The following PCDHA8 variants were observed in gnomAD, a reference collection of about 807,000 sequenced individuals.
The protein encoded by PCDHA8 is protocadherin alpha-8.
A neutral mutation model predicts 61.8 loss-of-function variants in PCDHA8; 53 were observed. That is an observed-to-expected ratio of 0.86 (90% confidence interval 0.69 to 1.08). The LOEUF (loss-of-function observed/expected upper bound fraction) is 1.08, where lower values mean the gene tolerates loss of function less well. Among genes scored for constraint, PCDHA8 ranks in the 50% least tolerant of loss-of-function variants. The pLI is 0.00. For synonymous variants in PCDHA8, 618 were observed against 556.6 expected, an observed-to-expected ratio of 1.11 and a Z score of -1.55; for missense variants, 1,293 against 1,245.0, an observed-to-expected ratio of 1.04 and a Z score of -0.58.
intron 1 of PCDHA8, among the ~76,000 whole-genome samples, chr5:140,937,108 G>A (rs1014984809): frequency 7.3e-5 from 11 of 151,276 alleles, no homozygotes; most frequent in Non-Finnish European, 1.5e-4. Context: ...CGCAGTCTCG[G>A]CTCACTGCAA....
At chr5:140,925,641 T>TATAATAATAATAATA (rs10569930) in intron 1 of PCDHA8, among the ~76,000 whole-genome samples, 21 of 143,352 alleles carry the variant, frequency 1.5e-4, no homozygotes, top group East Asian at 6.1e-4. Context: ...GAACTTAAAG[T>TATAATAATAATAATA]ATAATAATAA....
intron 1 of PCDHA8, among the ~76,000 whole-genome samples, chr5:140,965,887 T>C (rs1357808186): frequency 6.6e-6 from 1 of 152,214 alleles, no homozygotes; most frequent in Non-Finnish European, 1.5e-5. Context: ...GAGAGCAGAA[T>C]TGAGTCTTGG....
intron 1 of PCDHA8, among the ~76,000 whole-genome samples, chr5:140,872,173 T>C (rs2053523271): frequency 6.6e-6 from 1 of 152,224 alleles, no homozygotes; most frequent in Non-Finnish European, 1.5e-5. Flanking sequence ...TTCTTTTTTT[T>C]TTTTACAGTG....
rs1362509837 is a variant in PCDHA8, at chr5:140,884,388, T to A, written c.2394+40673T>A. On this transcript the variant is annotated intron_variant, in intron 1 of 3. Transcript: ENST00000531613. ...TACTTGATCATTGCCATCTGCGCGG[T>A]GTCCAGCCTGTTGGTGCTCACGTTG... 3 of 1,613,960 alleles carry A rather than the reference T, an allele frequency of 1.9e-6. No individual in the cohort carries two copies. In the Admixed American group the frequency reaches 5.0e-5, roughly 27 times the overall value.
At position 140,928,087 on chromosome 5, in the gene PCDHA8, A is replaced by T. The variant is rs1554205462; in HGVS notation, c.2395-50862A>T. On this transcript the variant is annotated intron_variant, in intron 1 of 3. Coordinates refer to ENST00000531613, the MANE Select transcript of PCDHA8 (RefSeq NM_018911.3). The stretch of plus-strand genomic sequence containing the variant: ...CTTTGACAACTACTACAGCCTGCTG[A>T]TTGATGGGCCCCTGGACCGGGAGCA... 3.1e-6 allele frequency: 5 copies of T among 1,614,022 alleles called. No individual in the cohort carries two copies. In the African/African-American group the frequency reaches 5.3e-5, roughly 17 times the overall value.
At chr5:140,990,107 A>C (rs1359747896) in intron 3 of PCDHA8, among the ~76,000 whole-genome samples, 1 of 152,044 alleles carries the variant, frequency 6.6e-6, no homozygotes, top group East Asian at 1.9e-4. Context: ...TGAAACAGGA[A>C]ATTGAGAGCT....
At position 140,858,233 on chromosome 5, in the gene PCDHA8, G is replaced by T. The variant is rs1014024880; in HGVS notation, c.2394+14518G>T. On this transcript the variant is annotated intron_variant, in intron 1 of 3. Coordinates refer to ENST00000531613, the MANE Select transcript of PCDHA8 (RefSeq NM_018911.3). ...GTGCTCGGCGGCGCCCACCGAGGGCGCATGTGGGCCGGTGAAGCCCACGCT... is the reference window on the plus strand; with the variant it reads ...GTGCTCGGCGGCGCCCACCGAGGGCTCATGTGGGCCGGTGAAGCCCACGCT... The T allele has an allele frequency of 9.4e-6, 15 of 1,596,216 alleles. 1 individual carries two copies. Among genetic ancestry groups the T allele is most frequent in the Non-Finnish European group, 1.1e-5 (13 of 1,166,126 alleles).
chr5:140,918,706 G>A (rs528090085), intron 1 of PCDHA8, among the ~76,000 whole-genome samples: 10 of 152,108 alleles, frequency 6.6e-5, no homozygotes, highest in Non-Finnish European at 1.5e-4. Context: ...AGTCATGAGG[G>A]CAGAGCCCTC....
chr5:140,876,180 T>C (rs782772220), intron 1 of PCDHA8: 1 of 1,613,982 alleles, frequency 6.2e-7, no homozygotes, highest in South Asian at 1.1e-5. Context: ...TGGATGTGAA[T>C]GACAATGGTC....
intron 3 of PCDHA8, among the ~76,000 whole-genome samples, chr5:140,993,129 G>A (rs1216210971): frequency 6.6e-6 from 1 of 152,160 alleles, no homozygotes; most frequent in Non-Finnish European, 1.5e-5. Flanking sequence ...ATTTCCTTCT[G>A]TTGCAACAAG....
intron 1 of PCDHA8, among the ~76,000 whole-genome samples, chr5:140,855,007 T>C (rs1224641648): frequency 6.7e-6 from 1 of 149,970 alleles, no homozygotes; most frequent in Non-Finnish European, 1.5e-5. Context: ...TAAGATATTA[T>C]AAAATGAAAC....
At chr5:140,952,171 TG>T (rs2094700193) in intron 1 of PCDHA8, among the ~76,000 whole-genome samples, 1 of 152,084 alleles carries the variant, frequency 6.6e-6, no homozygotes, top group Non-Finnish European at 1.5e-5. Context: ...GTTCAGTTCC[TG>T]CAGCTGCTCT....
chr5:140,978,974 G>T lies in PCDHA8; in HGVS notation c.2420G>T (p.Arg807Leu). ...LKPRQPNPDW[R>L]YSASLRAGMH... is the part of the protein sequence containing the mutation. ...CCACGACAGCCCAACCCTGACTGGC[G>T]TTACTCTGCCTCCCTGAGAGCAGGC... Residue 807 changes from arginine to leucine, a missense_variant, in exon 2 of 4, where the codon CGT becomes CTT. Arg to Leu is a moderately radical substitution (Grantham distance 102, BLOSUM62 -2). Coordinates refer to ENST00000531613, the MANE Select transcript of PCDHA8 (RefSeq NM_018911.3). 6.2e-7 allele frequency: 1 copy of T among 1,614,130 alleles called. No individual in the cohort carries two copies. Among genetic ancestry groups the T allele is most frequent in the East Asian group, 2.2e-5 (1 of 44,882 alleles).
chr5:140,912,497 T>A (rs2075943539), intron 1 of PCDHA8, among the ~76,000 whole-genome samples: 1 of 152,174 alleles, frequency 6.6e-6, no homozygotes. Context: ...ATCTAGGAGC[T>A]TTTTGGATGA....
At chr5:140,884,440 G>A in intron 1 of PCDHA8, 1 of 1,613,830 alleles carries the variant, frequency 6.2e-7, no homozygotes, top group Non-Finnish European at 8.5e-7. Flanking sequence ...TGCGGTGCTC[G>A]GCACCGCCCA....
At chr5:140,870,257 C>A in intron 1 of PCDHA8, 2 of 1,614,172 alleles carry the variant, frequency 1.2e-6, no homozygotes, top group African/African-American at 1.3e-5. Flanking sequence ...GGACAGGTGA[C>A]CTGCTCGCTG....
At chr5:140,860,333 A>T (rs147859732) in intron 1 of PCDHA8, 1 of 152,198 alleles carries the variant, frequency 6.6e-6, no homozygotes, top group African/African-American at 2.4e-5. Context: ...GTGACCCATG[A>T]TTGTGCCACT....
At chr5:140,854,853 C>T (rs1441066752) in intron 1 of PCDHA8, among the ~76,000 whole-genome samples, 1 of 149,620 alleles carries the variant, frequency 6.7e-6, no homozygotes, top group East Asian at 1.9e-4. Flanking sequence ...GATAAAATTA[C>T]TAGATATATT....
At chr5:140,959,591 A>C (rs2095498403) in intron 1 of PCDHA8, among the ~76,000 whole-genome samples, 1 of 152,220 alleles carries the variant, frequency 6.6e-6, no homozygotes, top group African/African-American at 2.4e-5. Context: ...CTATCAGCCA[A>C]GTATAACATG....
Sources: gnomAD v4.1 joint callset for allele counts (sites outside exome capture counted in the v4.1 genomes callset) on GRCh38, gnomAD v4.1.1 for gene constraint, MANE v1.5 for transcripts, NCBI Gene and HGNC (gene_info 2026-07-23, HGNC 2026-07-21) for gene names.